The following ZNF33B variants were observed in gnomAD, a reference collection of about 807,000 sequenced individuals.
The protein encoded by ZNF33B is zinc finger protein 33B, also known as zinc finger protein 11b (KOX 2).
Under a neutral mutation model 45.8 loss-of-function variants are expected in ZNF33B, and 29 were observed. The observed-to-expected ratio is 0.63, with a 90% CI of 0.47 to 0.86. ZNF33B has a LOEUF of 0.86. ZNF33B is among the 40% of genes least tolerant of loss of function. The pLI, the probability that ZNF33B is intolerant of heterozygous loss-of-function variation, is 0.00. For synonymous variants in ZNF33B, 305 were observed against 307.8 expected (o/e 0.99, Z 0.10); for missense variants, 831 against 909.9 (o/e 0.91, Z 1.12).
chr10:42,576,390 T>C (rs1022930588), intron 1 of ZNF33B, among the ~76,000 whole-genome samples: 2 of 152,216 alleles, frequency 1.3e-5, no homozygotes, highest in African/African-American at 4.8e-5. Flanking sequence ...TTATTGAAGC[T>C]CTATGGATCT....
intron 4 of ZNF33B, among the ~76,000 whole-genome samples, chr10:42,611,082 C>T (rs545668196): frequency 4.6e-5 from 7 of 152,224 alleles, no homozygotes; most frequent in South Asian, 2.1e-4. Context: ...TGGTAGCTCA[C>T]GCCTGTAATC....
intron 4 of ZNF33B, among the ~76,000 whole-genome samples, chr10:42,598,205 T>C (rs1427963079): frequency 2.0e-5 from 3 of 152,252 alleles, no homozygotes; most frequent in Admixed American, 2.0e-4. Flanking sequence ...AAGTATGCTT[T>C]TATTTTCTAA....
In ZNF33B at chr10:42,592,470, C is replaced by T. The variant is rs566982295; in HGVS notation, c.*143G>A. On this transcript the variant is annotated 3_prime_UTR_variant, in exon 5 of 5. Transcript: ENST00000359467. Reference sequence around the variant, plus strand: ...GTTGTTGTAGTCTATGGGTTTATCCCCTACTGTTACTTTGGAGTAACATAA... The same window carrying T: ...GTTGTTGTAGTCTATGGGTTTATCCTCTACTGTTACTTTGGAGTAACATAA... The T allele has an allele frequency of 8.4e-7, 1 of 1,193,856 alleles. No individual in the cohort carries two copies. Among genetic ancestry groups the T allele is most frequent in the East Asian group, 2.4e-5 (1 of 42,400 alleles). The allele number at this position is 1,193,856 out of a possible 1,614,324, so 74.0% of individuals were successfully genotyped here.
At chr10:42,618,840 G>A (rs158382) in intron 4 of ZNF33B, among the ~76,000 whole-genome samples, 89,385 of 151,864 alleles carry the variant, frequency 0.59, 30,338 homozygotes, top group Non-Finnish European at 0.77. Flanking sequence ...AATGATATCC[G>A]TTTCCCAAGG....
intron 4 of ZNF33B, among the ~76,000 whole-genome samples, chr10:42,601,704 T>G (rs1302137000): frequency 2.0e-5 from 3 of 151,790 alleles, no homozygotes; most frequent in African/African-American, 7.3e-5. Flanking sequence ...GATCCCTTGA[T>G]CTCGTGATCC....
chr10:42,608,742 A>T (rs1451271452), intron 4 of ZNF33B, among the ~76,000 whole-genome samples: 1 of 152,130 alleles, frequency 6.6e-6, no homozygotes, highest in African/African-American at 2.4e-5. Context: ...GAGCAGCAAT[A>T]CAAACTCAAA....
chr10:42,613,149 T>A (rs974276847), intron 4 of ZNF33B, among the ~76,000 whole-genome samples: 2 of 152,200 alleles, frequency 1.3e-5, no homozygotes, highest in African/African-American at 4.8e-5. Flanking sequence ...GGTCTGCACA[T>A]AAGTACTATA....
chr10:42,584,774 G>C (rs1836897585), downstream of ZNF33B, among the ~76,000 whole-genome samples: 1 of 152,178 alleles, frequency 6.6e-6, no homozygotes, highest in African/African-American at 2.4e-5. Flanking sequence ...ACCCACCTTG[G>C]CCTCCCAAAG....
chr10:42,587,918 C>T (rs563063966), downstream of ZNF33B, among the ~76,000 whole-genome samples: 1 of 152,310 alleles, frequency 6.6e-6, no homozygotes, highest in South Asian at 2.1e-4. Context: ...GCACAGGGTG[C>T]AGGTACTACC....
chr10:42,599,912 T>TA (rs1837551051), intron 4 of ZNF33B, among the ~76,000 whole-genome samples: 1 of 152,156 alleles, frequency 6.6e-6, no homozygotes, highest in Non-Finnish European at 1.5e-5. Flanking sequence ...AAACACTTTC[T>TA]AATTTCCTCT....
Position 42,592,462 on chromosome 10 carries a change from G to A in ZNF33B, c.*151C>T. 9.7e-6 allele frequency: 11 copies of A among 1,139,398 alleles called. 1 individual carries two copies. In the South Asian group the frequency reaches 1.7e-4, roughly 18 times the overall value. The allele number at this position is 1,139,398 out of a possible 1,614,324, so 70.6% of individuals were successfully genotyped here. ...ATCCTATAGTTGTTGTAGTCTATGG[G>A]TTTATCCCCTACTGTTACTTTGGAG... is the stretch of plus-strand genomic sequence containing the variant. On this transcript the variant is annotated 3_prime_UTR_variant, in exon 5 of 5. Transcript: ENST00000359467.
rs1837056431 is a variant in ZNF33B at position 42,590,181 on chromosome 10, C to G, written c.*2432G>C. On this transcript the variant is annotated 3_prime_UTR_variant, in exon 5 of 5. Transcript: ENST00000359467. ...ATCTGTGTTCACTGGAAATATTGAT[C>G]TGTAGTTTTCCTTTCTTGTAATGTT... is the stretch of plus-strand genomic sequence containing the variant. The G allele has an allele frequency of 6.7e-6, 1 of 148,182 alleles. No individual in the cohort carries two copies. The highest frequency in any genetic ancestry group is 6.7e-5 in the Admixed American group (1 of 14,856). 9.2% of individuals were successfully genotyped at this position (148,182 alleles called of 1,614,324 possible). A position where few individuals can be genotyped will look rare whatever the true frequency, so the allele number is the denominator to read the frequency against.
rs1839083287 is a variant in ZNF33B at position 42,632,028 on chromosome 10, T to A, written c.155-4A>T. 2.5e-6 allele frequency: 4 copies of A among 1,613,678 alleles called. No homozygotes were observed. In the African/African-American group the frequency reaches 4.0e-5, roughly 16 times the overall value. On this transcript the variant is annotated splice_region_variant and splice_polypyrimidine_tract_variant and intron_variant, in intron 3 of 4. Coordinates refer to ENST00000359467, the MANE Select transcript of ZNF33B (RefSeq NM_006955.3). Reference sequence around the variant, plus strand: ...TCTGGTTTGTGAGCACAATACCCTGTTAACAGGAAATAATTTAGGATTTGG... The same window carrying A: ...TCTGGTTTGTGAGCACAATACCCTGATAACAGGAAATAATTTAGGATTTGG...
chr10:42,621,402 A>G (rs1459500469), intron 4 of ZNF33B, among the ~76,000 whole-genome samples: 3 of 152,162 alleles, frequency 2.0e-5, no homozygotes, highest in African/African-American at 7.2e-5. Context: ...ACAAAGCTAC[A>G]CAAACACATA....
chr10:42,609,491 C>A (rs1186648344), intron 4 of ZNF33B, among the ~76,000 whole-genome samples: 1 of 152,140 alleles, frequency 6.6e-6, no homozygotes, highest in African/African-American at 2.4e-5. Context: ...ATATGGTTCA[C>A]TGGAGAATTT....
At chr10:42,638,057 G>C (rs1022271088) in intron 1 of ZNF33B, among the ~76,000 whole-genome samples, 1 of 152,242 alleles carries the variant, frequency 6.6e-6, no homozygotes, top group Non-Finnish European at 1.5e-5. Flanking sequence ...AGGGCAGTTC[G>C]AAACCTAAAG....
Position 42,593,574 on chromosome 10 carries a change from T to A in ZNF33B, c.1376A>T (p.His459Leu). The A allele has an allele frequency of 2.5e-6, 4 of 1,614,084 alleles. No individual in the cohort carries two copies. Among genetic ancestry groups the A allele is most frequent in the Non-Finnish European group, 3.4e-6 (4 of 1,179,984 alleles). The part of the protein sequence containing the change: ...SFCMNSHLTV[H>L]QRTHTGEKPF... ...TTTCTCACCTGTGTGAGTTCTCTGG[T>A]GTACTGTAAGGTGTGAATTCATACA... is the stretch of plus-strand genomic sequence containing the variant. Residue 459 changes from histidine (H) to leucine (L), a missense_variant, in exon 5 of 5, where the codon CAC becomes CTC. Coordinates refer to ENST00000359467, the MANE Select transcript of ZNF33B (RefSeq NM_006955.3).
At chr10:42,578,941 CAT>C (rs1016899621) in intron 1 of ZNF33B, among the ~76,000 whole-genome samples, 2 of 152,172 alleles carry the variant, frequency 1.3e-5, no homozygotes, top group African/African-American at 4.8e-5. Context: ...CAAGGAGTGA[CAT>C]AGATGCATTC....
chr10:42,634,120 A>G (rs1839180474), intron 2 of ZNF33B, among the ~76,000 whole-genome samples: 1 of 152,180 alleles, frequency 6.6e-6, no homozygotes, highest in African/African-American at 2.4e-5. Context: ...GAATGGAATC[A>G]GAGGCTAAGC....
Sources: gnomAD v4.1 joint callset for allele counts (sites outside exome capture counted in the v4.1 genomes callset) on GRCh38, gnomAD v4.1.1 for gene constraint, MANE v1.5 for transcripts, NCBI Gene and HGNC (gene_info 2026-07-23, HGNC 2026-07-21) for gene names.